The following SNORC variants were observed in gnomAD, a reference collection of about 807,000 sequenced individuals.
SNORC encodes protein SNORC.
A neutral mutation model predicts 9.7 loss-of-function variants in SNORC; 11 were observed. The observed-to-expected ratio is 1.14, with a 90% CI of 0.72 to 1.88. The LOEUF is 1.88. Ranked by LOEUF, SNORC falls within the 40% of genes most tolerant of loss-of-function variation. The pLI is 0.00. For missense variants in SNORC, 197 were observed against 173.1 expected (o/e 1.14, Z -0.77); for synonymous variants, 108 against 88.7 (o/e 1.22, Z -1.22).
downstream of SNORC, chr2:232,877,289 CAG>C (rs1221997307): frequency 5.1e-6 from 5 of 985,358 alleles, no homozygotes; most frequent in South Asian, 4.7e-5. Context: ...ACTTCACCCT[CAG>C]AGAGTCGGGG....
At chr2:232,875,527 AG>A in intron 1 of SNORC, 1 of 416,814 alleles carries the variant, frequency 2.4e-6, no homozygotes, top group East Asian at 8.8e-5. Context: ...AGTGGTGGTC[AG>A]GGGAGGACAA....
chr2:232,877,255 G>T, downstream of SNORC: 1 of 985,418 alleles, frequency 1.0e-6, no homozygotes, highest in Non-Finnish European at 1.2e-6. Flanking sequence ...GAGAGAAAAC[G>T]GCTTTCCCAG....
chr2:232,876,338 A>C lies in SNORC; in HGVS notation c.348A>C (p.Arg116Ser). 1 of 1,544,586 alleles carries C rather than the reference A, an allele frequency of 6.5e-7. No individual in the cohort carries two copies. The highest frequency in any genetic ancestry group is 8.7e-7 in the Non-Finnish European group (1 of 1,148,960). ...TGGCGCTCGTGGTCGTCGCGCTGAG[A>C]AAGTTTTCTGCCTCCTGAAGCGAAT... The change falls in exon 3 of 3, where the codon AGA becomes AGC. Residue 116 changes from arginine to serine, a missense_variant. Coordinates refer to ENST00000331342, the Ensembl canonical transcript of SNORC. The surrounding 1 kb of genome is among the most constrained non-coding windows in gnomAD (Gnocchi z 6.8).
downstream of SNORC, chr2:232,876,680 T>A (rs1691264844): frequency 4.0e-6 from 4 of 998,464 alleles, no homozygotes; most frequent in Non-Finnish European, 4.8e-6. The surrounding 1 kb of genome is among the most constrained non-coding windows in gnomAD (Gnocchi z 6.8). Context: ...CTGGAGTGCC[T>A]CAGGAGCGCG....
At chr2:232,875,571 G>T (rs1365289693) in intron 1 of SNORC, 1 of 401,508 alleles carries the variant, frequency 2.5e-6, no homozygotes, top group Admixed American at 3.7e-5. Flanking sequence ...GATACAGGGC[G>T]GGGGTTATCA....
chr2:232,871,252 C>T (rs2106188576), intron 1 of SNORC, among the ~76,000 whole-genome samples: 1 of 152,198 alleles, frequency 6.6e-6, no homozygotes, highest in South Asian at 2.1e-4. Flanking sequence ...GGGAGAGCTT[C>T]TGGGGGACGA....
chr2:232,873,565 G>A (rs1029696192), intron 1 of SNORC, among the ~76,000 whole-genome samples: 1 of 152,172 alleles, frequency 6.6e-6, no homozygotes, highest in Non-Finnish European at 1.5e-5. Context: ...AAGCCCTGCC[G>A]CGGCCTCCAG....
intron 1 of SNORC, among the ~76,000 whole-genome samples, chr2:232,871,795 G>A (rs1001987601): frequency 1.2e-4 from 18 of 152,216 alleles, no homozygotes; most frequent in South Asian, 2.1e-4. Flanking sequence ...CTGGTGGTCC[G>A]TGTGGGCCGA....
chr2:232,870,272 C>T, upstream of SNORC: 1 of 1,405,740 alleles, frequency 7.1e-7, no homozygotes, highest in Non-Finnish European at 9.8e-7. Flanking sequence ...GCCTCTTTCT[C>T]ACTGCCCTGA....
chr2:232,876,321 G>A lies in SNORC; in HGVS notation c.331G>A (p.Val111Met). 6.5e-7 allele frequency: 1 copy of A among 1,548,748 alleles called. No homozygotes were observed. Among genetic ancestry groups the A allele is most frequent in the Non-Finnish European group, 8.7e-7 (1 of 1,151,130 alleles). The change falls in exon 3 of 3, where the codon GTG (valine) becomes ATG (methionine). Residue 111 changes from valine to methionine, a missense_variant. Coordinates refer to ENST00000331342, the Ensembl canonical transcript of SNORC. This position sits in a 1 kb window ranked among gnomAD's most constrained non-coding sequence, Gnocchi z 6.8. ...GGCCACCTGCGTGGTGCTGGCGCTC[G>A]TGGTCGTCGCGCTGAGAAAGTTTTC...
intron 1 of SNORC, among the ~76,000 whole-genome samples, chr2:232,875,051 A>T (rs2106193825): frequency 6.6e-6 from 1 of 152,302 alleles, no homozygotes; most frequent in African/African-American, 2.4e-5. Context: ...TTGAGATTAG[A>T]GCATGGGGCC....
chr2:232,870,453 T>A, intron 1 of SNORC, 39 bp downstream of exon 1: 1 of 1,539,098 alleles, frequency 6.5e-7, no homozygotes, highest in Non-Finnish European at 8.8e-7. Context: ...ACCACTAGCC[T>A]CCCAGGGCCG....
At chr2:232,875,770 G>A in intron 1 of SNORC, 170 bp from the exon 2 acceptor site, 1 of 715,430 alleles carries the variant, frequency 1.4e-6, no homozygotes, top group Admixed American at 3.1e-5. Context: ...ATGGGAGGCA[G>A]CAACGCACTG....
intron 1 of SNORC, chr2:232,875,569 G>T: frequency 2.5e-6 from 1 of 398,780 alleles, no homozygotes; most frequent in Non-Finnish European, 5.0e-6. Flanking sequence ...AGGATACAGG[G>T]CGGGGGTTAT....
At chr2:232,872,721 C>A (rs113138161) in intron 1 of SNORC, among the ~76,000 whole-genome samples, 1 of 152,232 alleles carries the variant, frequency 6.6e-6, no homozygotes, top group African/African-American at 2.4e-5. Context: ...CCCATCTCCC[C>A]CCTCCCCAGA....
At chr2:232,872,879 C>G (rs1691082808) in intron 1 of SNORC, among the ~76,000 whole-genome samples, 1 of 152,240 alleles carries the variant, frequency 6.6e-6, no homozygotes, top group Admixed American at 6.5e-5. Context: ...GCCTCGGCCC[C>G]TCCCTGGCAG....
At chr2:232,876,578 C>A, downstream of SNORC, 1 of 1,148,280 alleles carries the variant, frequency 8.7e-7, no homozygotes, top group East Asian at 4.3e-5. The surrounding 1 kb of genome is among the most constrained non-coding windows in gnomAD (Gnocchi z 6.8). Flanking sequence ...CCGGGGCGTG[C>A]GTGAGCGCAC....
At position 232,876,177 on chromosome 2, in the gene SNORC, G is replaced by T. The variant is rs542613686; in HGVS notation, c.256+55G>T. 6.8e-6 allele frequency: 7 copies of T among 1,025,114 alleles called. No individual in the cohort carries two copies. Among genetic ancestry groups the T allele is most frequent in the Non-Finnish European group, 9.8e-6 (7 of 717,330 alleles). The allele number at this position is 1,025,114 out of a possible 1,614,324, so 63.5% of individuals were successfully genotyped here. ...AGGGAGAAATTAGGAGGGGCGGGGG[G>T]CGGGGGGCGCGGGGAGAAGGGCCGG... On this transcript the variant is annotated intron_variant, in intron 2 of 2. Coordinates refer to ENST00000331342, the Ensembl canonical transcript of SNORC. This position sits in a 1 kb window ranked among gnomAD's most constrained non-coding sequence, Gnocchi z 6.8.
At chr2:232,867,852 C>T (rs759000632), upstream of SNORC, among the ~76,000 whole-genome samples, 3 of 152,234 alleles carry the variant, frequency 2.0e-5, no homozygotes, top group Non-Finnish European at 2.9e-5. Flanking sequence ...AATGCATCTC[C>T]TTTCCGCCAG....
Sources: gnomAD v4.1 joint callset for allele counts (sites outside exome capture counted in the v4.1 genomes callset) on GRCh38, gnomAD v4.1.1 for gene constraint, Gnocchi (gnomAD v3.1) non-coding constraint, MANE v1.5 for transcripts, NCBI Gene and HGNC (gene_info 2026-07-23, HGNC 2026-07-21) for gene names.